PRKCI: variants seen among roughly 807,000 people sequenced by gnomAD.
The protein encoded by PRKCI is protein kinase C iota type.
Under a neutral mutation model 84.0 loss-of-function variants are expected in PRKCI, and 43 were observed. That is an observed-to-expected ratio of 0.51 (90% CI 0.40 to 0.66). PRKCI has a LOEUF of 0.66. Among genes scored for constraint, PRKCI ranks in the 30% least tolerant of loss-of-function variants. The probability of loss-of-function intolerance (pLI) is 0.00; values close to 1 mark genes in which losing one functional copy is unlikely to be tolerated. For synonymous variants in PRKCI, 216 were observed against 234.4 expected (o/e 0.92, Z 0.72); for missense variants, 459 against 745.6 (o/e 0.62, Z 4.48).
At chr3:170,231,299 G>C (rs1732788893) in intron 1 of PRKCI, among the ~76,000 whole-genome samples, 3 of 151,816 alleles carry the variant, frequency 2.0e-5, no homozygotes, top group Non-Finnish European at 4.4e-5. Context: ...TTTTGTGAAT[G>C]GGGTCTTCTT....
At chr3:170,279,023 AATT>A (rs902717900) in intron 8 of PRKCI, among the ~76,000 whole-genome samples, 2 of 152,052 alleles carry the variant, frequency 1.3e-5, no homozygotes, top group Admixed American at 6.6e-5. Context: ...TACCAAATCA[AATT>A]ATTATTATTA....
In PRKCI at chr3:170,260,067, G is replaced by A. The variant is rs1733685137; in HGVS notation, c.313+9G>A. ...TGAACTCTTGATTCATGGTAAGAGA[G>A]TAGTCATTTCATACTCGTCCAGACT... On this transcript the variant is annotated intron_variant, in intron 3 of 17. Coordinates refer to ENST00000295797, the MANE Select transcript of PRKCI (RefSeq NM_002740.6). The A allele has an allele frequency of 6.4e-7, 1 of 1,568,112 alleles. No individual in the cohort carries two copies. Among genetic ancestry groups the A allele is most frequent in the Non-Finnish European group, 8.8e-7 (1 of 1,142,822 alleles).
intron 6 of PRKCI, among the ~76,000 whole-genome samples, chr3:170,272,395 C>T (rs767302464): frequency 1.1e-4 from 17 of 152,052 alleles, no homozygotes; most frequent in South Asian, 2.1e-4. Flanking sequence ...AGGTTATTAC[C>T]GGTAGCTCTT....
chr3:170,276,651 A>AGATTTAAATGTT (rs1560180082), intron 8 of PRKCI, among the ~76,000 whole-genome samples: 2 of 152,124 alleles, frequency 1.3e-5, no homozygotes, highest in Admixed American at 1.3e-4. Context: ...GGTGGAATAA[A>AGATTTAAATGTT]GATTTAAATG....
At chr3:170,256,469 T>C (rs1733584930) in intron 2 of PRKCI, among the ~76,000 whole-genome samples, 1 of 152,232 alleles carries the variant, frequency 6.6e-6, no homozygotes, top group African/African-American at 2.4e-5. Flanking sequence ...TAGTTGCTCA[T>C]CGTAGCCTCT....
rs745700299 is a variant in PRKCI, at chr3:170,303,889, C to T, written c.*762C>T. 12 of 171,256 alleles carry T rather than the reference C, an allele frequency of 7.0e-5. No homozygotes were observed. Among genetic ancestry groups the T allele is most frequent in the African/African-American group, 1.7e-4 (7 of 41,986 alleles). 10.6% of individuals were successfully genotyped at this position (171,256 alleles called of 1,614,324 possible). A position where few individuals can be genotyped will look rare whatever the true frequency, so the allele number is the denominator to read the frequency against. On this transcript the variant is annotated 3_prime_UTR_variant, in exon 18 of 18. Coordinates refer to ENST00000295797, the MANE Select transcript of PRKCI (RefSeq NM_002740.6). ...GCACATACCTGTAATCCCAGCTACTCGGGAGGCTGAAACAGGAGAATCGCT... is the reference window on the plus strand; with the variant it reads ...GCACATACCTGTAATCCCAGCTACTTGGGAGGCTGAAACAGGAGAATCGCT...
chr3:170,269,987 A>G (rs1037197769), intron 5 of PRKCI, among the ~76,000 whole-genome samples: 3 of 151,814 alleles, frequency 2.0e-5, no homozygotes, highest in Non-Finnish European at 4.4e-5. Flanking sequence ...AAAGAAGAAG[A>G]AGGCGGCTTT....
intron 2 of PRKCI, among the ~76,000 whole-genome samples, chr3:170,248,075 G>A (rs1382028300): frequency 6.6e-6 from 1 of 152,138 alleles, no homozygotes; most frequent in African/African-American, 2.4e-5. Context: ...TGAGTCTGTG[G>A]CTAACTCAGA....
intron 4 of PRKCI, among the ~76,000 whole-genome samples, chr3:170,265,150 G>A (rs188314001): frequency 6.6e-6 from 1 of 150,698 alleles, no homozygotes; most frequent in East Asian, 2.0e-4. Context: ...GGTCGCGCCA[G>A]TACATTCCAA....
chr3:170,223,724 C>G (rs952821522), intron 1 of PRKCI, among the ~76,000 whole-genome samples: 1 of 152,104 alleles, frequency 6.6e-6, no homozygotes, highest in African/African-American at 2.4e-5. Flanking sequence ...GCTACTTTGG[C>G]TTGCCTTACT....
At position 170,305,331 on chromosome 3, in the gene PRKCI, C is replaced by G. The variant is rs1259023126; in HGVS notation, c.*2204C>G. 2 of 152,558 alleles carry G rather than the reference C, an allele frequency of 1.3e-5. No homozygotes were observed. Among genetic ancestry groups the G allele is most frequent in the Admixed American group, 6.6e-5 (1 of 15,252 alleles). The allele number at this position is 152,558 out of a possible 1,614,324, so 9.5% of individuals were successfully genotyped here. A position where few individuals can be genotyped will look rare whatever the true frequency, so the allele number is the denominator to read the frequency against. On this transcript the variant is annotated 3_prime_UTR_variant, in exon 18 of 18. Coordinates refer to ENST00000295797, the MANE Select transcript of PRKCI (RefSeq NM_002740.6). ...CTTCAGGTTATTCTTTATGTTTGTC[C>G]TGTGGTTAAATATTAGAGTATTCAT...
In PRKCI at chr3:170,238,228, T is replaced by C. The variant is rs1319171415; in HGVS notation, c.223+2877T>C. Among the ~76,000 whole-genome samples the C allele has an allele frequency of 2.6e-5, 4 of 152,116 alleles. No homozygotes were observed. The East Asian group carries it at 7.7e-4, about 29-fold the overall frequency. ...AAATAGAAAAATTACCTGAGCGTGG[T>C]GGCGGGTGCCTGTAATCCCAGCTAC... On this transcript the variant is annotated intron_variant, in intron 2 of 17. Transcript: ENST00000295797.
chr3:170,231,051 C>T (rs1003262746), intron 1 of PRKCI, among the ~76,000 whole-genome samples: 1 of 150,958 alleles, frequency 6.6e-6, no homozygotes, highest in Non-Finnish European at 1.5e-5. Flanking sequence ...CCTCCGCCTC[C>T]CAGGTTCAAG....
intron 9 of PRKCI, 39 bp downstream of exon 9, chr3:170,280,442 G>GAA (rs1210795660): frequency 1.3e-6 from 2 of 1,511,718 alleles, no homozygotes; most frequent in Non-Finnish European, 1.8e-6. Flanking sequence ...AACTGCTTGA[G>GAA]AATACTATTC....
intron 1 of PRKCI, among the ~76,000 whole-genome samples, chr3:170,228,328 G>T (rs115748767): frequency 1.3e-5 from 2 of 152,110 alleles, no homozygotes; most frequent in Non-Finnish European, 2.9e-5. Flanking sequence ...GGCTGGGTAT[G>T]GTGGTTCATG....
chr3:170,231,332 T>A (rs1356241845), intron 1 of PRKCI, among the ~76,000 whole-genome samples: 1 of 152,184 alleles, frequency 6.6e-6, no homozygotes, highest in Non-Finnish European at 1.5e-5. Flanking sequence ...CATACTGTTT[T>A]CTTTTTGTAT....
At chr3:170,290,490 CACAT>C in intron 12 of PRKCI, among the ~76,000 whole-genome samples, 1 of 151,970 alleles carries the variant, frequency 6.6e-6, no homozygotes, top group African/African-American at 2.4e-5. Flanking sequence ...ACTCCACACA[CACAT>C]ATAGACGTAC....
intron 11 of PRKCI, among the ~76,000 whole-genome samples, chr3:170,284,150 A>T (rs1734318742): frequency 6.6e-6 from 1 of 152,068 alleles, no homozygotes; most frequent in Non-Finnish European, 1.5e-5. Flanking sequence ...ATACGGGCAT[A>T]CACCTTTGCC....
intron 1 of PRKCI, among the ~76,000 whole-genome samples, chr3:170,231,776 T>A (rs1047965491): frequency 1.3e-5 from 2 of 152,240 alleles, no homozygotes; most frequent in African/African-American, 4.8e-5. Flanking sequence ...TATTTATTTT[T>A]AGCCATAGGC....
Sources: allele counts gnomAD v4.1 joint callset (sites outside exome capture counted in the v4.1 genomes callset), GRCh38; gene constraint gnomAD v4.1.1; transcripts MANE v1.5; gene names NCBI Gene and HGNC (gene_info 2026-07-23, HGNC 2026-07-21).